FGF12: variants seen among roughly 807,000 people sequenced by gnomAD.
The protein encoded by FGF12 is fibroblast growth factor 12, also known as fibroblast growth factor 12B.
In FGF12, 14 loss-of-function variants were observed where a neutral mutation model predicts 23.6. The ratio of observed to expected loss-of-function variants is 0.59; its 90% CI spans 0.39 to 0.93. FGF12 has a LOEUF of 0.93. FGF12 is among the 40% of genes least tolerant of loss of function. The pLI is 0.00. For synonymous variants in FGF12, 62 were observed against 77.3 expected, an observed-to-expected ratio of 0.80 and a Z score of 1.04; for missense variants, 175 against 217.8, an observed-to-expected ratio of 0.80 and a Z score of 1.24.
At chr3:192,275,442 A>C (rs1210403025) in intron 4 of FGF12, among the ~76,000 whole-genome samples, 1 of 152,182 alleles carries the variant, frequency 6.6e-6, no homozygotes. Flanking sequence ...GCTCATTGAA[A>C]TATTCATTCT....
intron 4 of FGF12, among the ~76,000 whole-genome samples, chr3:192,322,683 A>G (rs1037993059): frequency 2.6e-5 from 4 of 152,198 alleles, no homozygotes; most frequent in African/African-American, 9.6e-5. Context: ...TAGAGAACCC[A>G]GAAATAAATT....
rs1715793754 is a variant in FGF12 at position 192,641,287 on chromosome 3, A to T, written c.13+85894T>A. Reference sequence around the variant, plus strand: ...CGCCCGCCTAATTTTTTGTATTTTTAGTAGAGACGGGGTTTCACCGTTTTA... The same window carrying T: ...CGCCCGCCTAATTTTTTGTATTTTTTGTAGAGACGGGGTTTCACCGTTTTA... On this transcript the variant is annotated intron_variant, in intron 2 of 5. Coordinates refer to ENST00000445105, the MANE Select transcript of FGF12 (RefSeq NM_004113.6). Among the ~76,000 whole-genome samples the T allele has an allele frequency of 2.2e-5, 2 of 92,356 alleles. 1 individual carries two copies. The highest frequency in any genetic ancestry group is 7.7e-5 in the African/African-American group (2 of 25,834). 60.6% of individuals were successfully genotyped at this position (92,356 alleles called of 152,430 possible).
intron 4 of FGF12, among the ~76,000 whole-genome samples, chr3:192,196,389 A>G (rs1717070057): frequency 6.6e-6 from 1 of 152,196 alleles, no homozygotes; most frequent in Non-Finnish European, 1.5e-5. Flanking sequence ...AAAGTTTTTA[A>G]ATGGGAGTGT....
At position 192,537,752 on chromosome 3, in the gene FGF12, C is replaced by T. The variant is rs187517266; in HGVS notation, c.14-177214G>A. ...TCCCCCATTCTGTGGGTTGTCTCTT[C>T]ACTTTGTTGATTGTATCCTTCACTT... On this transcript the variant is annotated intron_variant, in intron 2 of 5. Transcript: ENST00000445105. Among the ~76,000 whole-genome samples the T allele has an allele frequency of 3.2e-3, 491 of 152,216 alleles. 4 individuals carry two copies. The highest frequency in any genetic ancestry group is 0.014 in the Middle Eastern group (4 of 294).
At chr3:192,300,985 AG>A (rs1426139468) in intron 4 of FGF12, among the ~76,000 whole-genome samples, 5 of 152,186 alleles carry the variant, frequency 3.3e-5, no homozygotes, top group Non-Finnish European at 5.9e-5. Context: ...TGGAGGACAG[AG>A]TAAGATTCTG....
At chr3:192,206,838 G>T (rs1240254363) in intron 4 of FGF12, among the ~76,000 whole-genome samples, 1 of 151,848 alleles carries the variant, frequency 6.6e-6, no homozygotes, top group Admixed American at 6.6e-5. Flanking sequence ...CTAAAGCACT[G>T]CCCTGACTCT....
chr3:192,454,122 T>G (rs928770319), intron 2 of FGF12, among the ~76,000 whole-genome samples: 3 of 152,084 alleles, frequency 2.0e-5, no homozygotes, highest in African/African-American at 7.2e-5. Context: ...CACTGCAGCC[T>G]CCACCTCCCA....
At chr3:192,445,056 T>G (rs1302202632) in intron 2 of FGF12, among the ~76,000 whole-genome samples, 1 of 152,250 alleles carries the variant, frequency 6.6e-6, no homozygotes, top group Non-Finnish European at 1.5e-5. Flanking sequence ...CACCATGCTT[T>G]AAAGCAGAGC....
chr3:192,653,753 C>T (rs76646036), intron 2 of FGF12, among the ~76,000 whole-genome samples: 3 of 146,100 alleles, frequency 2.1e-5, no homozygotes, highest in South Asian at 2.2e-4. Flanking sequence ...CATGCTCTAT[C>T]GCCCAGGCTG....
intron 2 of FGF12, among the ~76,000 whole-genome samples, chr3:192,425,618 C>A (rs889288927): frequency 6.6e-6 from 1 of 152,068 alleles, no homozygotes; most frequent in Non-Finnish European, 1.5e-5. Flanking sequence ...GTGTTACCAG[C>A]TTATTGGGTC....
intron 2 of FGF12, among the ~76,000 whole-genome samples, chr3:192,607,113 CTG>C (rs1714367719): frequency 6.6e-6 from 1 of 152,108 alleles, no homozygotes. Flanking sequence ...AATGTTTTCA[CTG>C]TTGTTTATTT....
chr3:192,166,556 T>C (rs1715172290), intron 5 of FGF12, among the ~76,000 whole-genome samples: 1 of 152,248 alleles, frequency 6.6e-6, no homozygotes, highest in Admixed American at 6.5e-5. Context: ...ATTTCTGGCT[T>C]TGCCAATTGC....
chr3:192,183,355 G>C (rs980941280), intron 4 of FGF12, among the ~76,000 whole-genome samples: 2 of 152,106 alleles, frequency 1.3e-5, no homozygotes, highest in Non-Finnish European at 2.9e-5. Flanking sequence ...CTCCAGCCAC[G>C]TTCATTTTAA....
intron 4 of FGF12, among the ~76,000 whole-genome samples, chr3:192,253,157 G>A (rs1239149778): frequency 2.6e-5 from 4 of 152,046 alleles, no homozygotes; most frequent in Non-Finnish European, 5.9e-5. Flanking sequence ...GATTTTGCAG[G>A]CTCCTAGGAT....
rs533534027 is a variant in FGF12, at chr3:192,603,077, C to A, written c.13+124104G>T. On this transcript the variant is annotated intron_variant, in intron 2 of 5. Coordinates refer to ENST00000445105, the MANE Select transcript of FGF12 (RefSeq NM_004113.6). The stretch of plus-strand genomic sequence containing the variant: ...TCTATGACAAATCTATAGGCAACAT[C>A]ATACTGAATAGGTAAAAGTTGGAAG... 3.9e-5 allele frequency among the ~76,000 whole-genome samples: 6 copies of A among 152,198 alleles called. No individual in the cohort carries two copies. The East Asian group carries it at 9.7e-4, about 25-fold the overall frequency.
chr3:192,296,526 A>T (rs886284513), intron 4 of FGF12, among the ~76,000 whole-genome samples: 3 of 152,188 alleles, frequency 2.0e-5, no homozygotes, highest in Non-Finnish European at 4.4e-5. Context: ...GCCCAGCCTC[A>T]TTTTATTTTT....
At position 192,420,640 on chromosome 3, in the gene FGF12, C is replaced by T. The variant is rs769261328; in HGVS notation, c.14-60102G>A. 2.6e-3 allele frequency among the ~76,000 whole-genome samples: 389 copies of T among 152,146 alleles called. 2 individuals carry two copies. Among genetic ancestry groups the T allele is most frequent in the Non-Finnish European group, 4.0e-3 (273 of 68,012 alleles). On this transcript the variant is annotated intron_variant, in intron 2 of 5. Coordinates refer to ENST00000445105, the MANE Select transcript of FGF12 (RefSeq NM_004113.6). ...CTCTAGCCATGTGGCACTAGCTGTTCCCCCTTCGCCTTCTGCTGTGAGTGA... is the reference window on the plus strand; with the variant it reads ...CTCTAGCCATGTGGCACTAGCTGTTTCCCCTTCGCCTTCTGCTGTGAGTGA...
intron 2 of FGF12, among the ~76,000 whole-genome samples, chr3:192,384,082 C>T (rs1303889126): frequency 6.6e-6 from 1 of 152,042 alleles, no homozygotes; most frequent in African/African-American, 2.4e-5. Flanking sequence ...ATGTTGAGTG[C>T]TATCAAGAAG....
intron 4 of FGF12, among the ~76,000 whole-genome samples, chr3:192,311,920 A>ACTGT (rs1404941684): frequency 1.5e-3 from 200 of 129,916 alleles, no homozygotes; most frequent in African/African-American, 4.2e-3. Context: ...ATTGCTATTG[A>ACTGT]CTGTCTGTCT....
Sources: gnomAD v4.1 joint callset for allele counts (sites outside exome capture counted in the v4.1 genomes callset) on GRCh38, gnomAD v4.1.1 for gene constraint, MANE v1.5 for transcripts, NCBI Gene and HGNC (gene_info 2026-07-23, HGNC 2026-07-21) for gene names.